TNIK: variants seen among roughly 807,000 people sequenced by gnomAD.
TNIK encodes the protein TRAF2 and NCK interacting kinase, also known as TRAF2 and NCK-interacting protein kinase.
In TNIK, 49 loss-of-function variants were observed where a neutral mutation model predicts 191.3. That is an observed-to-expected ratio of 0.26 (90% CI 0.20 to 0.32). The LOEUF is 0.32. Ranked by LOEUF, TNIK falls within the 10% of genes least tolerant of loss-of-function variation. The probability of loss-of-function intolerance (pLI) is 1.00; values close to 1 mark genes in which losing one functional copy is unlikely to be tolerated. For synonymous variants in TNIK, 594 were observed against 600.9 expected, an observed-to-expected ratio of 0.99 and a Z score of 0.17; for missense variants, 1,155 against 1,702.3, an observed-to-expected ratio of 0.68 and a Z score of 5.66.
chr3:171,079,679 C>T (rs760838437), intron 27 of TNIK, 27 bp from the exon 28 acceptor site: 2 of 1,583,532 alleles, frequency 1.3e-6, no homozygotes, highest in East Asian at 4.5e-5. Context: ...GGTTTAATTT[C>T]AAATTGCTGT....
chr3:171,337,613 T>C (rs9846083), intron 2 of TNIK, among the ~76,000 whole-genome samples: 103,572 of 152,108 alleles, frequency 0.68, 36,120 homozygotes, highest in African/African-American at 0.85. Flanking sequence ...TCCATAACGA[T>C]AGATGTGTAT....
rs559834551 is a variant in TNIK, at chr3:171,309,350, T to C, written c.123+60270A>G. 3.3e-5 allele frequency among the ~76,000 whole-genome samples: 5 copies of C among 152,088 alleles called. No homozygotes were observed. In the South Asian group the frequency reaches 6.2e-4, roughly 19 times the overall value. ...TCACTTAATAAGTGAGAGCTAAACA[T>C]TGAGTACACCTGGACACAAAGAAGG... On this transcript the variant is annotated intron_variant, in intron 2 of 32. Transcript: ENST00000436636.
chr3:171,163,700 C>G (rs1349445001), intron 10 of TNIK, among the ~76,000 whole-genome samples: 1 of 152,108 alleles, frequency 6.6e-6, no homozygotes, highest in Admixed American at 6.5e-5. Context: ...GAAATTTTAT[C>G]TAATAAAGGA....
At chr3:171,141,878 A>T (rs1730891733) in intron 12 of TNIK, among the ~76,000 whole-genome samples, 1 of 152,226 alleles carries the variant, frequency 6.6e-6, no homozygotes, top group African/African-American at 2.4e-5. Flanking sequence ...CTTAGGAAAC[A>T]TGAGGTACCC....
At chr3:171,174,150 T>G (rs1735682377) in intron 9 of TNIK, among the ~76,000 whole-genome samples, 1 of 152,206 alleles carries the variant, frequency 6.6e-6, no homozygotes, top group South Asian at 2.1e-4. Flanking sequence ...CTTCCCTCTT[T>G]CTGTGCAGTG....
intron 2 of TNIK, among the ~76,000 whole-genome samples, chr3:171,266,121 G>A (rs1400169487): frequency 1.3e-5 from 2 of 152,172 alleles, no homozygotes; most frequent in Admixed American, 6.5e-5. Flanking sequence ...AAGATGGGGG[G>A]AAGATAGGAG....
intron 2 of TNIK, among the ~76,000 whole-genome samples, chr3:171,270,612 A>G (rs1577311272): frequency 6.6e-6 from 1 of 152,230 alleles, no homozygotes; most frequent in East Asian, 1.9e-4. Flanking sequence ...TACATGTGTT[A>G]ATTTCATTTC....
intron 2 of TNIK, among the ~76,000 whole-genome samples, chr3:171,354,264 A>G (rs756121821): frequency 2.0e-5 from 3 of 152,168 alleles, no homozygotes. Flanking sequence ...TGCTGATTGT[A>G]AAAAGGGGAT....
At chr3:171,092,375 T>C (rs1576783561) in intron 23 of TNIK, among the ~76,000 whole-genome samples, 2 of 152,210 alleles carry the variant, frequency 1.3e-5, no homozygotes, top group African/African-American at 4.8e-5. Flanking sequence ...CTTGGAGGTA[T>C]TGACTCTGTC....
chr3:171,341,536 T>C (rs955819346), intron 2 of TNIK, among the ~76,000 whole-genome samples: 6 of 143,196 alleles, frequency 4.2e-5, no homozygotes, highest in Admixed American at 2.8e-4. Context: ...TATTTTGCTG[T>C]ATGTAAATTT....
Position 171,355,585 on chromosome 3 carries a change from C to T in TNIK, c.123+14035G>A, listed in dbSNP as rs1203667988. Among the ~76,000 whole-genome samples, 11 of 152,198 alleles carry T rather than the reference C, an allele frequency of 7.2e-5. 2 individuals are homozygous for T. The highest frequency in any genetic ancestry group is 7.2e-4 in the Admixed American group (11 of 15,274). ...GGACACACTGTCCTGTTTTCACTAACTTTCACTATTTTGACAAAGAGAAAG... is the reference window on the plus strand; with the variant it reads ...GGACACACTGTCCTGTTTTCACTAATTTTCACTATTTTGACAAAGAGAAAG... On this transcript the variant is annotated intron_variant, in intron 2 of 32. Transcript: ENST00000436636.
At chr3:171,455,655 T>C (rs1375814271) in intron 1 of TNIK, among the ~76,000 whole-genome samples, 2 of 152,238 alleles carry the variant, frequency 1.3e-5, no homozygotes, top group Non-Finnish European at 2.9e-5. Context: ...GTATGGTTTT[T>C]AAAGCATTGC....
rs11929369 is a variant in TNIK, at chr3:171,353,179, C to T, written c.123+16441G>A. On this transcript the variant is annotated intron_variant, in intron 2 of 32. Transcript: ENST00000436636. ...CTAGAAATAGTAGTCTTCAGTTAAA[C>T]CAGAAAATTTTAAATTAAAGGTTAG... is the stretch of plus-strand genomic sequence containing the variant. Among the ~76,000 whole-genome samples the T allele has an allele frequency of 9.2e-3, 1,407 of 152,222 alleles. 28 individuals carry two copies. Among genetic ancestry groups the T allele is most frequent in the African/African-American group, 0.033 (1,351 of 41,534 alleles).
At chr3:171,085,088 T>C in intron 25 of TNIK, 30 bp downstream of exon 25, 7 of 1,560,196 alleles carry the variant, frequency 4.5e-6, no homozygotes, top group Non-Finnish European at 6.1e-6. Flanking sequence ...GACGAAGCTG[T>C]TTTTTAAACA....
At chr3:171,429,087 T>C (rs1324642934) in intron 1 of TNIK, among the ~76,000 whole-genome samples, 1 of 152,104 alleles carries the variant, frequency 6.6e-6, no homozygotes, top group African/African-American at 2.4e-5. Flanking sequence ...CAGCTTTAGA[T>C]CCACAACCAC....
chr3:171,157,678 A>G lies in TNIK; in HGVS notation c.1017-14T>C. On this transcript the variant is annotated splice_polypyrimidine_tract_variant and intron_variant, in intron 11 of 32. Coordinates refer to ENST00000436636, the MANE Select transcript of TNIK (RefSeq NM_015028.4). The stretch of plus-strand genomic sequence containing the variant: ...TTCAGGATGGAGCTGTGGGTAGGAG[A>G]GAGTGATCAGGATCCCACGTGGGGC... 1.3e-6 allele frequency: 2 copies of G among 1,552,414 alleles called. No individual in the cohort carries two copies. Among genetic ancestry groups the G allele is most frequent in the Middle Eastern group, 1.7e-4 (1 of 5,986 alleles).
intron 15 of TNIK, among the ~76,000 whole-genome samples, chr3:171,133,630 C>T (rs1390332547): frequency 1.3e-5 from 2 of 152,204 alleles, no homozygotes; most frequent in Non-Finnish European, 2.9e-5. Flanking sequence ...TGAACTCAAA[C>T]ATACTCCTTA....
At chr3:171,077,552 T>C (rs760679893) in intron 28 of TNIK, among the ~76,000 whole-genome samples, 2 of 152,206 alleles carry the variant, frequency 1.3e-5, no homozygotes, top group Non-Finnish European at 2.9e-5. Flanking sequence ...CAGTCTTTTC[T>C]GGCCTTCAGA....
chr3:171,396,441 A>G (rs1338473054), intron 1 of TNIK, among the ~76,000 whole-genome samples: 3 of 152,216 alleles, frequency 2.0e-5, no homozygotes, highest in African/African-American at 7.2e-5. Context: ...TTGTATAGAC[A>G]TATTTTCATT....
Sources: allele counts gnomAD v4.1 joint callset (sites outside exome capture counted in the v4.1 genomes callset), GRCh38; gene constraint gnomAD v4.1.1; transcripts MANE v1.5; gene names NCBI Gene and HGNC (gene_info 2026-07-23, HGNC 2026-07-21).